Variants in CPLX2 observed in about 807,000 individuals in gnomAD.
The protein encoded by CPLX2 is complexin 2, also known as complexin-2.
A neutral mutation model predicts 16.3 loss-of-function variants in CPLX2; 5 were observed. The ratio of observed to expected loss-of-function variants is 0.31; its 90% confidence interval spans 0.16 to 0.64. CPLX2 has a LOEUF of 0.64. Among genes scored for constraint, CPLX2 ranks in the 30% least tolerant of loss-of-function variants. The pLI is 0.79. For synonymous variants in CPLX2, 89 were observed against 73.2 expected (o/e 1.22, Z -1.10); for missense variants, 144 against 181.4 (o/e 0.79, Z 1.18).
intron 1 of CPLX2, among the ~76,000 whole-genome samples, chr5:175,806,473 G>A (rs919121070): frequency 2.0e-5 from 3 of 152,142 alleles, no homozygotes; most frequent in African/African-American, 7.2e-5. Context: ...TTTCCTGCTC[G>A]TGTCCCCATT....
intron 1 of CPLX2, among the ~76,000 whole-genome samples, chr5:175,807,694 A>ATTCATTCAT (rs59196623): frequency 2.2e-5 from 3 of 137,346 alleles, no homozygotes; most frequent in African/African-American, 5.0e-5. Flanking sequence ...CCACTTACTC[A>ATTCATTCAT]TCATTCATTC....
intron 2 of CPLX2, among the ~76,000 whole-genome samples, chr5:175,817,405 G>A (rs2382123): frequency 0.35 from 52,634 of 152,086 alleles, 11,133 homozygotes; most frequent in East Asian, 0.75. Context: ...TGTCTAATGC[G>A]TAATGTCCTA....
intron 2 of CPLX2, among the ~76,000 whole-genome samples, chr5:175,835,833 G>A (rs1339127086): frequency 6.8e-6 from 1 of 146,802 alleles, no homozygotes; most frequent in African/African-American, 2.5e-5. Flanking sequence ...CCACATCCCG[G>A]GTTCAAGTGA....
At chr5:175,850,597 G>A (rs1167992412) in intron 2 of CPLX2, among the ~76,000 whole-genome samples, 1 of 152,134 alleles carries the variant, frequency 6.6e-6, no homozygotes, top group Non-Finnish European at 1.5e-5. Flanking sequence ...TTCACCTCTC[G>A]GAAAATCATC....
intron 2 of CPLX2, among the ~76,000 whole-genome samples, chr5:175,851,308 A>C (rs545877680): frequency 6.6e-6 from 1 of 152,246 alleles, no homozygotes; most frequent in South Asian, 2.1e-4. Context: ...GCCAGGTTGA[A>C]GGGCCACGGT....
intron 1 of CPLX2, among the ~76,000 whole-genome samples, chr5:175,806,998 G>C (rs1451185962): frequency 1.3e-5 from 2 of 152,142 alleles, no homozygotes; most frequent in Non-Finnish European, 2.9e-5. Context: ...GACTGTGGGG[G>C]TTTGGCACAC....
At chr5:175,796,953 C>A (rs1757989235) in intron 1 of CPLX2, among the ~76,000 whole-genome samples, 1 of 151,954 alleles carries the variant, frequency 6.6e-6, no homozygotes, top group South Asian at 2.1e-4. Context: ...TCTTCCGGGG[C>A]GAGGCAGAGG....
chr5:175,846,950 C>T (rs541118866), intron 2 of CPLX2, among the ~76,000 whole-genome samples: 1 of 152,316 alleles, frequency 6.6e-6, no homozygotes, highest in Non-Finnish European at 1.5e-5. Flanking sequence ...CAACCTTGGG[C>T]ACGTTGATCA....
intron 2 of CPLX2, among the ~76,000 whole-genome samples, chr5:175,846,876 T>TGA (rs766514765): frequency 6.6e-6 from 1 of 152,220 alleles, no homozygotes; most frequent in African/African-American, 2.4e-5. Context: ...GCTAACTCCA[T>TGA]CCTGCAGGCC....
intron 2 of CPLX2, among the ~76,000 whole-genome samples, chr5:175,813,294 A>C (rs1372383269): frequency 6.6e-6 from 1 of 152,256 alleles, no homozygotes; most frequent in Non-Finnish European, 1.5e-5. Context: ...AATCAATTTA[A>C]AGAGAAATAC....
intron 1 of CPLX2, among the ~76,000 whole-genome samples, chr5:175,807,196 T>C (rs999212885): frequency 3.9e-5 from 6 of 152,242 alleles, no homozygotes; most frequent in African/African-American, 1.4e-4. Context: ...ATAATAATTC[T>C]AGTAGTTCAC....
Position 175,817,356 on chromosome 5 carries a change from T to G in CPLX2, c.-89+8288T>G, listed in dbSNP as rs540216005. On this transcript the variant is annotated intron_variant, in intron 2 of 4. Coordinates refer to the CPLX2 transcript ENST00000359546. ...GTCTAATGGGTACAAGGATAACACC[T>G]ACCTCCCTGAACAACTGCGCATAGT... Among the ~76,000 whole-genome samples, 3 of 152,330 alleles carry G rather than the reference T, an allele frequency of 2.0e-5. No homozygotes were observed. In the East Asian group the frequency reaches 5.8e-4, roughly 29 times the overall value.
At chr5:175,799,229 G>T (rs1036998243) in intron 1 of CPLX2, among the ~76,000 whole-genome samples, 1 of 152,040 alleles carries the variant, frequency 6.6e-6, no homozygotes, top group Admixed American at 6.6e-5. Flanking sequence ...AATCTGAATC[G>T]TGAGTTCCTA....
At position 175,883,319 on chromosome 5, in the gene CPLX2, C is replaced by G. The variant is rs1023153658; in HGVS notation, c.*3274C>G. The G allele has an allele frequency of 3.3e-5, 5 of 152,336 alleles. No homozygotes were observed. The highest frequency in any genetic ancestry group is 7.3e-5 in the Non-Finnish European group (5 of 68,174). 9.4% of individuals were successfully genotyped at this position (152,336 alleles called of 1,614,324 possible). ...CCTCCCCTCCAAATCCAGAAGCTCCCAGAAGGTGTCCTTAACTGCAAAGCT... is the reference window on the plus strand; with the variant it reads ...CCTCCCCTCCAAATCCAGAAGCTCCGAGAAGGTGTCCTTAACTGCAAAGCT... On this transcript the variant is annotated 3_prime_UTR_variant, in exon 4 of 4. Coordinates refer to ENST00000393745, the MANE Select transcript of CPLX2 (RefSeq NM_001008220.2).
intron 2 of CPLX2, among the ~76,000 whole-genome samples, chr5:175,866,502 G>A (rs11134938): frequency 0.64 from 97,294 of 151,388 alleles, 31,669 homozygotes; most frequent in East Asian, 0.95. Flanking sequence ...GATGAGGGGA[G>A]CTAACCAAGT....
At chr5:175,870,410 C>A (rs1033865062), upstream of CPLX2, among the ~76,000 whole-genome samples, 1 of 152,110 alleles carries the variant, frequency 6.6e-6, no homozygotes, top group Non-Finnish European at 1.5e-5. Context: ...TCTTGTTGCC[C>A]CTTCCTTGGA....
intron 2 of CPLX2, among the ~76,000 whole-genome samples, chr5:175,851,431 G>A (rs896397410): frequency 2.6e-5 from 4 of 152,180 alleles, no homozygotes; most frequent in Admixed American, 6.5e-5. Context: ...GCAGAGGCAC[G>A]TGCAGCTTGA....
chr5:175,805,442 A>C (rs1046312662), intron 1 of CPLX2: 1 of 152,218 alleles, frequency 6.6e-6, no homozygotes, highest in Non-Finnish European at 1.5e-5. Context: ...TTTGTTTTGC[A>C]GAAGGGAAAA....
At chr5:175,827,220 T>C (rs776452514) in intron 2 of CPLX2, among the ~76,000 whole-genome samples, 11 of 152,316 alleles carry the variant, frequency 7.2e-5, no homozygotes, top group Non-Finnish European at 1.5e-4. Context: ...ACCGTGGTCA[T>C]GTGCCCTCTA....
Sources: allele counts gnomAD v4.1 joint callset (sites outside exome capture counted in the v4.1 genomes callset), GRCh38; gene constraint gnomAD v4.1.1; transcripts MANE v1.5; gene names NCBI Gene and HGNC (gene_info 2026-07-23, HGNC 2026-07-21).